The following SRPK2 variants were observed in gnomAD, a reference collection of about 807,000 sequenced individuals.
SRPK2 encodes SFRS protein kinase 2.
A neutral mutation model predicts 90.8 loss-of-function variants in SRPK2; 21 were observed. That is an observed-to-expected ratio of 0.23 (90% CI 0.16 to 0.33). SRPK2 has a LOEUF of 0.33. Ranked by LOEUF, SRPK2 falls within the 10% of genes least tolerant of loss-of-function variation. The pLI is 1.00. For missense variants in SRPK2, 620 were observed against 869.0 expected, an observed-to-expected ratio of 0.71 and a Z score of 3.60; for synonymous variants, 288 against 311.1, an observed-to-expected ratio of 0.93 and a Z score of 0.78.
intron 2 of SRPK2, among the ~76,000 whole-genome samples, chr7:105,263,137 A>C (rs1415247494): frequency 6.6e-6 from 1 of 152,170 alleles, no homozygotes; most frequent in Non-Finnish European, 1.5e-5. Context: ...AGCCTGGCCA[A>C]CAAGGCAAAA....
intron 15 of SRPK2, among the ~76,000 whole-genome samples, chr7:105,123,040 T>C (rs552487544): frequency 6.4e-4 from 98 of 152,246 alleles, no homozygotes; most frequent in African/African-American, 2.2e-3. Context: ...ATCTGAGGGC[T>C]GGAAAGCTTC....
intron 2 of SRPK2, among the ~76,000 whole-genome samples, chr7:105,264,363 A>C (rs951613924): frequency 6.6e-6 from 1 of 152,218 alleles, no homozygotes; most frequent in African/African-American, 2.4e-5. Context: ...TACACACACA[A>C]AAACAGCCTG....
intron 2 of SRPK2, among the ~76,000 whole-genome samples, chr7:105,327,908 C>G (rs1813777938): frequency 6.6e-6 from 1 of 152,230 alleles, no homozygotes; most frequent in Admixed American, 6.5e-5. Flanking sequence ...TCACGCCATT[C>G]TCCTGCCTCA....
chr7:105,204,748 A>C (rs2237612), intron 2 of SRPK2: 86,816 of 619,466 alleles, frequency 0.14, 7,422 homozygotes, highest in East Asian at 0.26. Flanking sequence ...GGTTCTGGTC[A>C]AGCAAAATTC....
At chr7:105,227,451 A>C (rs1034847631) in intron 2 of SRPK2, among the ~76,000 whole-genome samples, 1 of 152,240 alleles carries the variant, frequency 6.6e-6, no homozygotes, top group Non-Finnish European at 1.5e-5. Flanking sequence ...AAAAAGACAT[A>C]CAAGTAGCCA....
At chr7:105,228,310 T>A (rs1029187706) in intron 2 of SRPK2, among the ~76,000 whole-genome samples, 2 of 152,248 alleles carry the variant, frequency 1.3e-5, no homozygotes, top group African/African-American at 4.8e-5. Flanking sequence ...CTTCAAATAC[T>A]GTTTAGAAAA....
Position 105,172,014 on chromosome 7 carries a change from C to G in SRPK2, c.230-2749G>C, listed in dbSNP as rs563349202. Among the ~76,000 whole-genome samples, 7 of 152,252 alleles carry G rather than the reference C, an allele frequency of 4.6e-5. No homozygotes were observed. In the East Asian group the frequency reaches 1.4e-3, roughly 29 times the overall value. On this transcript the variant is annotated intron_variant, in intron 3 of 15. Transcript: ENST00000393651. ...GTTCAAGCCATTCTCCTGCCTCAGC[C>G]TCCCATGTAGCTGGGATTACAGGCT...
chr7:105,148,312 G>T (rs1191747905), intron 7 of SRPK2, among the ~76,000 whole-genome samples: 1 of 152,102 alleles, frequency 6.6e-6, no homozygotes, highest in Non-Finnish European at 1.5e-5. Flanking sequence ...AATAGCCTTG[G>T]TATCTAGACA....
At chr7:105,359,718 A>C (rs577023733) in intron 2 of SRPK2, among the ~76,000 whole-genome samples, 2 of 152,136 alleles carry the variant, frequency 1.3e-5, no homozygotes, top group Non-Finnish European at 2.9e-5. Context: ...CACAATCCAC[A>C]TCTGGAAACC....
intron 6 of SRPK2, among the ~76,000 whole-genome samples, chr7:105,166,027 C>G (rs950204260): frequency 6.6e-6 from 1 of 152,054 alleles, no homozygotes; most frequent in African/African-American, 2.4e-5. Flanking sequence ...TCAGTGAGAC[C>G]AAGAACCCAC....
intron 2 of SRPK2, among the ~76,000 whole-genome samples, chr7:105,315,698 T>C (rs1210231992): frequency 6.6e-6 from 1 of 152,226 alleles, no homozygotes; most frequent in East Asian, 1.9e-4. Context: ...AAGTCACTTA[T>C]AACATAATAT....
intron 3 of SRPK2, among the ~76,000 whole-genome samples, chr7:105,175,001 T>C (rs1347776213): frequency 6.6e-6 from 1 of 151,980 alleles, no homozygotes; most frequent in Non-Finnish European, 1.5e-5. Context: ...AAAAATTAGC[T>C]GGGCGTGGTG....
intron 1 of SRPK2, among the ~76,000 whole-genome samples, chr7:105,396,862 G>GAGGA (rs150145655): frequency 1.0e-4 from 15 of 150,744 alleles, no homozygotes; most frequent in Non-Finnish European, 1.9e-4. Flanking sequence ...GGGAGGAAGG[G>GAGGA]AGGAAGGAAG....
intron 2 of SRPK2, among the ~76,000 whole-genome samples, chr7:105,386,570 A>G (rs1192331224): frequency 6.6e-6 from 1 of 151,582 alleles, no homozygotes; most frequent in Admixed American, 6.6e-5. Context: ...CAAAAAAAAT[A>G]GCTAGGCTTG....
rs146333591 is a variant in SRPK2, at chr7:105,272,007, T to C, written c.72-68222A>G. ...AATATGCTTTATAATAGTATTTGCA[T>C]GTAAATCTTAGAACCTTCTAGATTT... is the stretch of plus-strand genomic sequence containing the variant. On this transcript the variant is annotated intron_variant, in intron 2 of 15. Transcript: ENST00000393651. 6.5e-3 allele frequency among the ~76,000 whole-genome samples: 991 copies of C among 152,342 alleles called. 5 individuals are homozygous for C. Among genetic ancestry groups the C allele is most frequent in the Admixed American group, 0.015 (226 of 15,300 alleles).
chr7:105,267,658 C>G (rs1006401530), intron 2 of SRPK2, among the ~76,000 whole-genome samples: 1 of 151,964 alleles, frequency 6.6e-6, no homozygotes, highest in Non-Finnish European at 1.5e-5. Flanking sequence ...GCTTTTTCCC[C>G]TGATTATACT....
intron 2 of SRPK2, among the ~76,000 whole-genome samples, chr7:105,362,014 G>T (rs1227503238): frequency 2.6e-5 from 4 of 152,044 alleles, no homozygotes; most frequent in Non-Finnish European, 5.9e-5. Context: ...CACAGCAAAA[G>T]AAACTACCAT....
At chr7:105,273,918 C>G (rs1260991751) in intron 2 of SRPK2, among the ~76,000 whole-genome samples, 1 of 152,078 alleles carries the variant, frequency 6.6e-6, no homozygotes, top group Non-Finnish European at 1.5e-5. Flanking sequence ...ACCAAAGATC[C>G]AAGCAATTTT....
chr7:105,323,965 CTTTGTGTGTG>C (rs964828417), intron 2 of SRPK2, among the ~76,000 whole-genome samples: 4 of 110,422 alleles, frequency 3.6e-5, no homozygotes, highest in African/African-American at 1.5e-4. Flanking sequence ...TCAGACTATT[CTTTGTGTGTG>C]TGTGTGTGTG....
Sources: allele counts gnomAD v4.1 joint callset (sites outside exome capture counted in the v4.1 genomes callset), GRCh38; gene constraint gnomAD v4.1.1; transcripts MANE v1.5; gene names NCBI Gene and HGNC (gene_info 2026-07-23, HGNC 2026-07-21).